Variants in SLC41A2 observed in about 807,000 individuals in gnomAD.
The protein encoded by SLC41A2 is solute carrier family 41 member 2.
Under a neutral mutation model 58.3 loss-of-function variants are expected in SLC41A2, and 32 were observed. The ratio of observed to expected loss-of-function variants is 0.55; its 90% CI spans 0.41 to 0.74. SLC41A2 has a LOEUF of 0.74. SLC41A2 is among the 30% of genes least tolerant of loss of function. The pLI, the probability that SLC41A2 is intolerant of heterozygous loss-of-function variation, is 0.00. For missense variants in SLC41A2, 514 were observed against 680.6 expected (o/e 0.76, Z 2.72); for synonymous variants, 190 against 235.0 (o/e 0.81, Z 1.75).
At chr12:104,940,842 A>C (rs2468398) in intron 1 of SLC41A2, among the ~76,000 whole-genome samples, 94,708 of 150,842 alleles carry the variant, frequency 0.63, 30,441 homozygotes, top group African/African-American at 0.77. Context: ...TTACTTGAAA[A>C]CGGGAGGCAG....
chr12:104,878,508 T>C (rs1392659033), intron 6 of SLC41A2, among the ~76,000 whole-genome samples: 2 of 144,190 alleles, frequency 1.4e-5, no homozygotes, highest in Admixed American at 6.9e-5. Flanking sequence ...TTCTCCACCC[T>C]GTCTCCAGGT....
chr12:104,828,601 G>T (rs1174772428), intron 10 of SLC41A2, among the ~76,000 whole-genome samples: 1 of 152,134 alleles, frequency 6.6e-6, no homozygotes, highest in Non-Finnish European at 1.5e-5. Context: ...TCCCCTAGAG[G>T]TTTGAGCAGT....
intron 10 of SLC41A2, among the ~76,000 whole-genome samples, chr12:104,828,670 C>T (rs1224898728): frequency 2.0e-5 from 3 of 152,016 alleles, no homozygotes; most frequent in Admixed American, 6.6e-5. Context: ...GGACAAGGAA[C>T]GTTTCCCGTT....
Position 104,938,843 on chromosome 12 carries a change from G to A in SLC41A2, c.-167-10149C>T, listed in dbSNP as rs942646856. On this transcript the variant is annotated intron_variant, in intron 1 of 10. Coordinates refer to ENST00000258538, the MANE Select transcript of SLC41A2 (RefSeq NM_001352171.3). Reference sequence around the variant, plus strand: ...CAAATTCCTATCCATTTTAGTTTAGGAGAGTCTCTCTGATATACTGAGCAC... The same window carrying A: ...CAAATTCCTATCCATTTTAGTTTAGAAGAGTCTCTCTGATATACTGAGCAC... Among the ~76,000 whole-genome samples, 3 of 152,192 alleles carry A rather than the reference G, an allele frequency of 2.0e-5. No homozygotes were observed. In the East Asian group the frequency reaches 5.8e-4, roughly 29 times the overall value.
intron 1 of SLC41A2, among the ~76,000 whole-genome samples, chr12:104,943,681 T>C (rs1193255551): frequency 6.6e-6 from 1 of 152,030 alleles, no homozygotes; most frequent in East Asian, 1.9e-4. Flanking sequence ...GGCCAACCTC[T>C]CCAACAGTAC....
At chr12:104,855,466 T>C (rs2042985764) in intron 8 of SLC41A2, among the ~76,000 whole-genome samples, 1 of 152,224 alleles carries the variant, frequency 6.6e-6, no homozygotes, top group South Asian at 2.1e-4. Context: ...ACTATATAAT[T>C]TGGTTTTACG....
intron 10 of SLC41A2, among the ~76,000 whole-genome samples, chr12:104,819,770 T>C (rs766446695): frequency 2.0e-5 from 3 of 152,234 alleles, no homozygotes; most frequent in Non-Finnish European, 4.4e-5. Context: ...GGTTACACCA[T>C]GTTGCACTCA....
chr12:104,952,590 C>G (rs114025059), intron 1 of SLC41A2, among the ~76,000 whole-genome samples: 2,929 of 152,248 alleles, frequency 0.019, 35 homozygotes, highest in African/African-American at 0.037. Context: ...TAAGATAAAT[C>G]CAACTTCTTT....
At chr12:104,881,188 T>C (rs1042798705) in intron 6 of SLC41A2, among the ~76,000 whole-genome samples, 1 of 152,212 alleles carries the variant, frequency 6.6e-6, no homozygotes, top group Admixed American at 6.5e-5. Context: ...TTATTGCCTC[T>C]ATTTGATTCT....
intron 6 of SLC41A2, among the ~76,000 whole-genome samples, chr12:104,878,663 T>C (rs893451351): frequency 6.6e-6 from 1 of 152,196 alleles, no homozygotes; most frequent in Non-Finnish European, 1.5e-5. Context: ...TATGGCTGCA[T>C]AGTATTCCAT....
intron 6 of SLC41A2, among the ~76,000 whole-genome samples, chr12:104,872,630 G>C (rs2043843262): frequency 1.3e-5 from 2 of 152,162 alleles, no homozygotes; most frequent in South Asian, 4.1e-4. Context: ...ATACTTGGGA[G>C]GCTGAGGCAG....
rs535810852 is a variant in SLC41A2 at position 104,829,216 on chromosome 12, T to G, written c.1536+15256A>C. Among the ~76,000 whole-genome samples, 3 of 152,344 alleles carry G rather than the reference T, an allele frequency of 2.0e-5. No homozygotes were observed. The South Asian group carries it at 6.2e-4, about 32-fold the overall frequency. ...TACATGCATATTCATAGCAGCTTCATGCATAACAGCCCCTACTGGAAACAA... is the reference window on the plus strand; with the variant it reads ...TACATGCATATTCATAGCAGCTTCAGGCATAACAGCCCCTACTGGAAACAA... On this transcript the variant is annotated intron_variant, in intron 10 of 10. Coordinates refer to ENST00000258538, the MANE Select transcript of SLC41A2 (RefSeq NM_001352171.3).
chr12:104,858,659 G>A (rs1048869005), intron 8 of SLC41A2, among the ~76,000 whole-genome samples: 4 of 152,128 alleles, frequency 2.6e-5, no homozygotes, highest in African/African-American at 9.7e-5. Flanking sequence ...AGCTCATAGT[G>A]TACCACCATG....
chr12:104,938,325 T>C (rs1384950095), intron 1 of SLC41A2, among the ~76,000 whole-genome samples: 1 of 152,232 alleles, frequency 6.6e-6, no homozygotes, highest in Non-Finnish European at 1.5e-5. Flanking sequence ...ATTGTGCATA[T>C]ACAAGACTGC....
At chr12:104,837,161 G>T (rs1267327012) in intron 10 of SLC41A2, among the ~76,000 whole-genome samples, 1 of 152,148 alleles carries the variant, frequency 6.6e-6, no homozygotes, top group Admixed American at 6.5e-5. Context: ...ATAAAGTTAA[G>T]AAGGGGCTAG....
At chr12:104,828,641 A>G (rs192413899) in intron 10 of SLC41A2, among the ~76,000 whole-genome samples, 1 of 152,182 alleles carries the variant, frequency 6.6e-6, no homozygotes, top group Admixed American at 6.5e-5. Context: ...CCATACCCCC[A>G]TCACATGCCC....
At chr12:104,900,304 G>C (rs1183367152) in intron 3 of SLC41A2, among the ~76,000 whole-genome samples, 1 of 152,050 alleles carries the variant, frequency 6.6e-6, no homozygotes, top group Non-Finnish European at 1.5e-5. Flanking sequence ...ATTTCATTCT[G>C]CCATTAATTA....
At chr12:104,885,288 C>G (rs1212828983) in intron 6 of SLC41A2, among the ~76,000 whole-genome samples, 3 of 152,200 alleles carry the variant, frequency 2.0e-5, no homozygotes, top group African/African-American at 7.2e-5. Context: ...TTATGCCACT[C>G]ACTAAATAAC....
chr12:104,865,968 A>G (rs1196502659), intron 7 of SLC41A2, among the ~76,000 whole-genome samples: 1 of 152,190 alleles, frequency 6.6e-6, no homozygotes, highest in Non-Finnish European at 1.5e-5. Flanking sequence ...AATCTTTTAC[A>G]TATGTCCTTA....
Sources: allele counts gnomAD v4.1 joint callset (sites outside exome capture counted in the v4.1 genomes callset), GRCh38; gene constraint gnomAD v4.1.1; transcripts MANE v1.5; gene names NCBI Gene and HGNC (gene_info 2026-07-23, HGNC 2026-07-21).